Variants in HIVEP2 observed in about 807,000 individuals in gnomAD.
HIVEP2 encodes HIVEP zinc finger 2, also known as transcription factor HIVEP2.
In HIVEP2, 14 loss-of-function variants were observed where a neutral mutation model predicts 180.7. The observed-to-expected ratio is 0.08, with a 90% CI of 0.05 to 0.12. The LOEUF is 0.12. HIVEP2 is among the 10% of genes least tolerant of loss of function. HIVEP2 has a pLI of 1.00. For missense variants in HIVEP2, 2,579 were observed against 3,008.5 expected (o/e 0.86, Z 3.34); for synonymous variants, 1,184 against 1,136.4 (o/e 1.04, Z -0.84).
chr6:142,902,947 G>C (rs13195529), intron 1 of HIVEP2, among the ~76,000 whole-genome samples: 9,475 of 152,268 alleles, frequency 0.062, 388 homozygotes, highest in Middle Eastern at 0.11. Context: ...TGGAGACAGG[G>C]GGGTGAGGAG....
At chr6:142,775,772 T>C (rs1349956049) in intron 4 of HIVEP2, among the ~76,000 whole-genome samples, 5 of 151,802 alleles carry the variant, frequency 3.3e-5, no homozygotes, top group Non-Finnish European at 5.9e-5. Flanking sequence ...GAGGCAGAGG[T>C]TGCAGTGAGC....
Position 142,753,035 on chromosome 6 carries a change from A to T in HIVEP2, c.*72T>A. 1.1e-6 allele frequency: 1 copy of T among 880,926 alleles called. No individual in the cohort carries two copies. The highest frequency in any genetic ancestry group is 1.4e-5 in the South Asian group (1 of 69,412). 54.6% of individuals were successfully genotyped at this position (880,926 alleles called of 1,614,324 possible). Reference sequence around the variant, plus strand: ...GGACAGGCATGCTATAAACTGGATTACCTCCATTTCTAGAAAAACAAAAAC... The same window carrying T: ...GGACAGGCATGCTATAAACTGGATTTCCTCCATTTCTAGAAAAACAAAAAC... On this transcript the variant is annotated 3_prime_UTR_variant, in exon 10 of 10. Transcript: ENST00000367603.
In HIVEP2 at chr6:142,764,792, C is replaced by T. The variant is rs1432174906; in HGVS notation, c.5518+7G>A. 1 of 1,612,118 alleles carries T rather than the reference C, an allele frequency of 6.2e-7. No homozygotes were observed. The highest frequency in any genetic ancestry group is 8.5e-7 in the Non-Finnish European group (1 of 1,178,888). Reference sequence around the variant, plus strand: ...TATTTTTCCTCTCAAAAAAATCAGACTTGTACCTTTCGTTTTGAAGGCAAA... The same window carrying T: ...TATTTTTCCTCTCAAAAAAATCAGATTTGTACCTTTCGTTTTGAAGGCAAA... On this transcript the variant is annotated splice_region_variant and intron_variant, in intron 7 of 9. Transcript: ENST00000367603.
intron 1 of HIVEP2, among the ~76,000 whole-genome samples, chr6:142,908,400 T>C (rs777549674): frequency 4.6e-5 from 7 of 152,220 alleles, no homozygotes; most frequent in Non-Finnish European, 1.0e-4. Flanking sequence ...TCATCTGGTT[T>C]ATGCCTGTTT....
At chr6:142,883,295 A>C (rs1776619705) in intron 1 of HIVEP2, among the ~76,000 whole-genome samples, 1 of 151,876 alleles carries the variant, frequency 6.6e-6, no homozygotes, top group Non-Finnish European at 1.5e-5. Context: ...GAGAACAATT[A>C]CTGTTGCCCA....
At chr6:142,923,247 C>T (rs1236302844) in intron 1 of HIVEP2, among the ~76,000 whole-genome samples, 2 of 151,832 alleles carry the variant, frequency 1.3e-5, no homozygotes, top group Admixed American at 6.6e-5. Flanking sequence ...TAGGGAATTG[C>T]TTGAATCCGG....
intron 2 of HIVEP2, among the ~76,000 whole-genome samples, chr6:142,830,742 C>T (rs557689755): frequency 1.1e-4 from 16 of 152,122 alleles, no homozygotes; most frequent in Non-Finnish European, 2.4e-4. Context: ...CTAGACAAAC[C>T]AGCTTCTCTC....
At chr6:142,798,888 C>A (rs1776341872) in intron 2 of HIVEP2, among the ~76,000 whole-genome samples, 3 of 152,080 alleles carry the variant, frequency 2.0e-5, no homozygotes, top group Admixed American at 2.0e-4. Context: ...CAGGACAATA[C>A]CTAGCACTTG....
intron 1 of HIVEP2, among the ~76,000 whole-genome samples, chr6:142,916,838 T>C (rs62428766): frequency 0.062 from 9,458 of 152,298 alleles, 386 homozygotes; most frequent in Middle Eastern, 0.11. Context: ...TCAATAAGTA[T>C]TTGTTAAATA....
Position 142,771,229 on chromosome 6 carries a change from G to A in HIVEP2, c.3510C>T (p.Pro1170=), listed in dbSNP as rs1775532112. Residue 1170 remains proline (P), a synonymous_variant, in exon 5 of 10, where the codon CCC becomes CCT. Coordinates refer to ENST00000367603, the MANE Select transcript of HIVEP2 (RefSeq NM_006734.4). The surrounding 1 kb of genome is among the most constrained non-coding windows in gnomAD (Gnocchi z 5.4). ...HMDSQESLRN[P]LIQPTSYMTS... is the part of the protein sequence containing the mutation. ...TCATATAGGATGTTGGTTGGATCAA[G>A]GGATTTCTCAAAGATTCCTGACTGT... The A allele has an allele frequency of 6.2e-7, 1 of 1,614,078 alleles. No homozygotes were observed. The highest frequency in any genetic ancestry group is 8.5e-7 in the Non-Finnish European group (1 of 1,180,038).
chr6:142,875,265 G>C (rs1776404224), intron 1 of HIVEP2, among the ~76,000 whole-genome samples: 1 of 151,930 alleles, frequency 6.6e-6, no homozygotes, highest in Non-Finnish European at 1.5e-5. Flanking sequence ...GCAAAGACAG[G>C]GACAAAAACA....
At chr6:142,810,288 T>C (rs1334201281) in intron 2 of HIVEP2, among the ~76,000 whole-genome samples, 3 of 152,204 alleles carry the variant, frequency 2.0e-5, no homozygotes, top group East Asian at 1.9e-4. Context: ...TACGTATATA[T>C]TGTTTTTAAT....
At chr6:142,910,471 G>A (rs1005577705) in intron 1 of HIVEP2, among the ~76,000 whole-genome samples, 3 of 152,152 alleles carry the variant, frequency 2.0e-5, no homozygotes, top group Non-Finnish European at 2.9e-5. Context: ...GTGTGGTGGC[G>A]CATGCCTGTA....
chr6:142,827,060 C>T (rs1774922895), intron 2 of HIVEP2, among the ~76,000 whole-genome samples: 2 of 152,118 alleles, frequency 1.3e-5, no homozygotes, highest in South Asian at 2.1e-4. Context: ...GGAGCAATTG[C>T]TTCTTCTTCC....
intron 2 of HIVEP2, among the ~76,000 whole-genome samples, chr6:142,802,015 G>A (rs1776424913): frequency 6.6e-6 from 1 of 152,172 alleles, no homozygotes; most frequent in African/African-American, 2.4e-5. Flanking sequence ...GAGGCCCCAG[G>A]AGGTTGGGAT....
At chr6:142,783,130 C>T (rs1219580874) in intron 3 of HIVEP2, among the ~76,000 whole-genome samples, 1 of 151,914 alleles carries the variant, frequency 6.6e-6, no homozygotes, top group African/African-American at 2.4e-5. Context: ...GAGATCGAGA[C>T]CATCCTGGCC....
At chr6:142,908,330 C>T (rs1365766832) in intron 1 of HIVEP2, among the ~76,000 whole-genome samples, 1 of 152,216 alleles carries the variant, frequency 6.6e-6, no homozygotes, top group Non-Finnish European at 1.5e-5. Flanking sequence ...TCAAGGTCCA[C>T]ATTTTCCAGA....
intron 2 of HIVEP2, among the ~76,000 whole-genome samples, chr6:142,816,459 C>T (rs1776837684): frequency 1.3e-5 from 2 of 152,138 alleles, no homozygotes; most frequent in South Asian, 4.2e-4. Flanking sequence ...ACGACCACCT[C>T]CTCATCACTC....
At chr6:142,849,289 G>A (rs1348617142) in intron 1 of HIVEP2, among the ~76,000 whole-genome samples, 7 of 152,180 alleles carry the variant, frequency 4.6e-5, no homozygotes, top group Non-Finnish European at 7.3e-5. Context: ...TGGATCTTCA[G>A]TAATCAGTAG....
Sources: gnomAD v4.1 joint callset for allele counts (sites outside exome capture counted in the v4.1 genomes callset) on GRCh38, gnomAD v4.1.1 for gene constraint, Gnocchi (gnomAD v3.1) non-coding constraint, MANE v1.5 for transcripts, NCBI Gene and HGNC (gene_info 2026-07-23, HGNC 2026-07-21) for gene names.